The following FAM3B variants were observed in gnomAD, a reference collection of about 807,000 sequenced individuals.
FAM3B encodes protein FAM3B.
In FAM3B, 29 loss-of-function variants were observed where a neutral mutation model predicts 28.4. The ratio of observed to expected loss-of-function variants is 1.02; its 90% confidence interval spans 0.76 to 1.39. FAM3B has a LOEUF of 1.39. Ranked by LOEUF, FAM3B falls within the 40% of genes most tolerant of loss-of-function variation. FAM3B has a pLI of 0.00. For synonymous variants in FAM3B, 91 were observed against 103.0 expected, an observed-to-expected ratio of 0.88 and a Z score of 0.71; for missense variants, 266 against 293.9, an observed-to-expected ratio of 0.91 and a Z score of 0.69.
chr21:41,336,202 G>C (rs184931081), intron 2 of FAM3B, among the ~76,000 whole-genome samples: 6 of 152,278 alleles, frequency 3.9e-5, no homozygotes, highest in African/African-American at 1.4e-4. Context: ...CTAGCACCCT[G>C]ACCTTGGATT....
chr21:41,352,820 T>TAAATAAACAAAC (rs61423023), intron 7 of FAM3B, among the ~76,000 whole-genome samples: 17,743 of 150,034 alleles, frequency 0.12, 1,809 homozygotes, highest in African/African-American at 0.27. Flanking sequence ...AATAAATAAA[T>TAAATAAACAAAC]AAATAAAGGA....
At chr21:41,317,542 TC>T (rs1428306913) in intron 1 of FAM3B, among the ~76,000 whole-genome samples, 1 of 152,172 alleles carries the variant, frequency 6.6e-6, no homozygotes, top group Non-Finnish European at 1.5e-5. Context: ...GGTCCTGGTG[TC>T]CACTGCCCTG....
At chr21:41,324,789 C>A (rs2088841276) in intron 2 of FAM3B, among the ~76,000 whole-genome samples, 1 of 152,120 alleles carries the variant, frequency 6.6e-6, no homozygotes, top group Admixed American at 6.5e-5. Context: ...AATTAATGTG[C>A]AGCGTATGTT....
chr21:41,355,549 G>T (rs1042347910), intron 7 of FAM3B, among the ~76,000 whole-genome samples: 5 of 124,386 alleles, frequency 4.0e-5, no homozygotes, highest in African/African-American at 1.3e-4. Flanking sequence ...TTGAAAACAG[G>T]CTAAGTGAAA....
At chr21:41,320,256 G>A (rs2088790333) in intron 1 of FAM3B, 1 of 152,116 alleles carries the variant, frequency 6.6e-6, no homozygotes, top group Non-Finnish European at 1.5e-5. Flanking sequence ...CTACAGGTCT[G>A]TGCCACCACA....
At chr21:41,340,202 G>A (rs1017581430) in intron 3 of FAM3B, among the ~76,000 whole-genome samples, 1 of 146,812 alleles carries the variant, frequency 6.8e-6, no homozygotes, top group African/African-American at 2.5e-5. Flanking sequence ...TCACCAGGCT[G>A]GAGTGCAGTG....
At chr21:41,318,489 CAGAGTGGCCCTTCCT>C (rs1601348453) in intron 1 of FAM3B, among the ~76,000 whole-genome samples, 1 of 152,268 alleles carries the variant, frequency 6.6e-6, no homozygotes, top group East Asian at 1.9e-4. Context: ...TGTGGTGTTT[CAGAGTGGCCCTTCCT>C]AGCCCTTCTG....
chr21:41,308,075 A>G (rs1320900445), intron 1 of FAM3B, among the ~76,000 whole-genome samples: 1 of 152,220 alleles, frequency 6.6e-6, no homozygotes, highest in Non-Finnish European at 1.5e-5. Context: ...GTTCTTTTTT[A>G]TACATAATCC....
At chr21:41,324,005 C>A (rs2088833788) in intron 2 of FAM3B, among the ~76,000 whole-genome samples, 2 of 152,172 alleles carry the variant, frequency 1.3e-5, no homozygotes, top group Non-Finnish European at 2.9e-5. Flanking sequence ...CATTCTGCTT[C>A]ATGGATGGCT....
chr21:41,311,248 AAAAATAT>A (rs1444260502), intron 1 of FAM3B, among the ~76,000 whole-genome samples: 6 of 64,252 alleles, frequency 9.3e-5, no homozygotes, highest in African/African-American at 1.8e-4. Context: ...AAAAAAAAAA[AAAAATAT>A]ATATATATAT....
chr21:41,315,717 A>C (rs900908284), upstream of FAM3B, among the ~76,000 whole-genome samples: 1 of 151,938 alleles, frequency 6.6e-6, no homozygotes, highest in Non-Finnish European at 1.5e-5. Context: ...GTTTGGGGAG[A>C]CTGCAGGTGG....
intron 1 of FAM3B, chr21:41,320,829 G>A (rs181258778): frequency 1.1e-4 from 17 of 152,314 alleles, no homozygotes; most frequent in African/African-American, 3.6e-4. Flanking sequence ...GCCGCATCAG[G>A]ACCCGCCATG....
At chr21:41,330,303 G>A (rs1212025461) in intron 2 of FAM3B, among the ~76,000 whole-genome samples, 1 of 152,146 alleles carries the variant, frequency 6.6e-6, no homozygotes, top group East Asian at 1.9e-4. Flanking sequence ...TGTTCAACTG[G>A]TAAGTATAAT....
chr21:41,309,565 A>G (rs1014299182), intron 1 of FAM3B, among the ~76,000 whole-genome samples: 3 of 152,238 alleles, frequency 2.0e-5, no homozygotes, highest in Admixed American at 1.3e-4. Context: ...GATTCTTCCC[A>G]AAACCTGCAG....
At chr21:41,348,109 A>G (rs960657369) in intron 6 of FAM3B, among the ~76,000 whole-genome samples, 1 of 151,488 alleles carries the variant, frequency 6.6e-6, no homozygotes. Flanking sequence ...CACTTCCTCT[A>G]AATCTTAATG....
intron 7 of FAM3B, among the ~76,000 whole-genome samples, chr21:41,352,796 A>AAAATAAAT (rs1555873398): frequency 1.8e-4 from 5 of 27,612 alleles, no homozygotes; most frequent in Non-Finnish European, 2.5e-4. Flanking sequence ...CTCCATCTCA[A>AAAATAAAT]AAATAAATAA....
Position 41,343,086 on chromosome 21 carries a change from T to A in FAM3B, c.288-1390T>A, listed in dbSNP as rs563563859. On this transcript the variant is annotated intron_variant, in intron 3 of 7. Transcript: ENST00000357985. ...AAGCTCTGATTTTTTTCTGGTTTGC[T>A]CTCACTTTCAGGATTCAACCCTTTG... Among the ~76,000 whole-genome samples the A allele has an allele frequency of 4.6e-5, 7 of 152,336 alleles. No homozygotes were observed. The East Asian group carries it at 1.3e-3, about 29-fold the overall frequency.
At chr21:41,323,357 G>A (rs1368595029) in intron 2 of FAM3B, among the ~76,000 whole-genome samples, 1 of 152,230 alleles carries the variant, frequency 6.6e-6, no homozygotes, top group Non-Finnish European at 1.5e-5. Context: ...CCTCCCCTGG[G>A]AAGCACAGGA....
intron 1 of FAM3B, among the ~76,000 whole-genome samples, chr21:41,306,161 C>T (rs115287974): frequency 0.014 from 2,099 of 152,304 alleles, 42 homozygotes; most frequent in African/African-American, 0.047. Flanking sequence ...TGCAGCAATT[C>T]AGTCACATCT....
Sources: allele counts gnomAD v4.1 joint callset (sites outside exome capture counted in the v4.1 genomes callset), GRCh38; gene constraint gnomAD v4.1.1; transcripts MANE v1.5; gene names NCBI Gene and HGNC (gene_info 2026-07-23, HGNC 2026-07-21).